HS6ST2: variants seen among roughly 807,000 people sequenced by gnomAD.
The protein encoded by HS6ST2 is heparan-sulfate 6-O-sulfotransferase 2.
HS6ST2 carries 17 observed loss-of-function variants against 33.0 expected under a neutral mutation model. That is an observed-to-expected ratio of 0.52 (90% CI 0.35 to 0.77). The LOEUF is 0.77. Among genes scored for constraint, HS6ST2 ranks in the 30% least tolerant of loss-of-function variants. The pLI is 0.01. For missense variants in HS6ST2, 519 were observed against 551.7 expected (o/e 0.94, Z 0.59); for synonymous variants, 248 against 237.1 (o/e 1.05, Z -0.42).
chrX:132,958,749 A>G (rs999105023), upstream of HS6ST2: 3 of 515,111 alleles, frequency 5.8e-6, no homozygotes, highest in African/African-American at 7.2e-5. Flanking sequence ...CACTCCGCTT[A>G]GCGCATCACT....
intron 4 of HS6ST2, among the ~76,000 whole-genome samples, chrX:132,635,055 C>T (rs1395739446): frequency 8.9e-6 from 1 of 111,885 alleles, no homozygotes; most frequent in Non-Finnish European, 1.9e-5. Context: ...TTCTGTCTCA[C>T]CAAACCCATA....
At chrX:132,629,679 C>G (rs1158218028) in intron 4 of HS6ST2, among the ~76,000 whole-genome samples, 4 of 112,129 alleles carry the variant, frequency 3.6e-5, no homozygotes, top group Admixed American at 9.5e-5. Context: ...ACTCTTGATT[C>G]TGGCTGTTGT....
At chrX:132,886,313 A>T (rs943773236) in intron 2 of HS6ST2, among the ~76,000 whole-genome samples, 2 of 111,811 alleles carry the variant, frequency 1.8e-5, no homozygotes, top group Non-Finnish European at 3.8e-5. Flanking sequence ...AAATTTTCCC[A>T]CAGAGCCCCA....
chrX:132,844,761 G>A (rs1448871155), intron 2 of HS6ST2, among the ~76,000 whole-genome samples: 1 of 111,512 alleles, frequency 9.0e-6, no homozygotes. Context: ...ATATTTTTAG[G>A]TCAAGTCTCC....
chrX:132,750,218 C>T (rs1440199562), intron 2 of HS6ST2, among the ~76,000 whole-genome samples: 1 of 110,579 alleles, frequency 9.0e-6, no homozygotes, highest in Non-Finnish European at 1.9e-5. Flanking sequence ...GTACTTGTAA[C>T]ATTCTTCTCC....
chrX:132,870,008 C>T (rs2066041899), intron 2 of HS6ST2, among the ~76,000 whole-genome samples: 4 of 111,231 alleles, frequency 3.6e-5, no homozygotes, highest in African/African-American at 1.3e-4. Context: ...GATTGTATAT[C>T]TAGAAAACCC....
chrX:132,840,501 T>C (rs1274940596), intron 2 of HS6ST2, among the ~76,000 whole-genome samples: 2 of 109,896 alleles, frequency 1.8e-5, no homozygotes, highest in African/African-American at 6.6e-5. Flanking sequence ...ACCTAACACA[T>C]GTTATTAATA....
intron 2 of HS6ST2, among the ~76,000 whole-genome samples, chrX:132,756,495 A>G (rs749878066): frequency 9.6e-6 from 1 of 104,546 alleles, no homozygotes; most frequent in Non-Finnish European, 2.0e-5. Flanking sequence ...TCCCTCTCCC[A>G]CCTCCTTTCC....
At chrX:132,922,471 GGCCAT>G (rs1283194927) in intron 2 of HS6ST2, among the ~76,000 whole-genome samples, 1 of 112,038 alleles carries the variant, frequency 8.9e-6, no homozygotes, top group African/African-American at 3.2e-5. Flanking sequence ...TAAGCCACAT[GGCCAT>G]GGTCCTTATC....
chrX:132,910,196 T>C (rs1456361328), intron 2 of HS6ST2, among the ~76,000 whole-genome samples: 3 of 112,132 alleles, frequency 2.7e-5, no homozygotes, highest in Non-Finnish European at 5.6e-5. Flanking sequence ...GCCATGAATC[T>C]AGACTGTTAC....
At chrX:132,848,071 C>T (rs955859631) in intron 2 of HS6ST2, among the ~76,000 whole-genome samples, 1 of 112,003 alleles carries the variant, frequency 8.9e-6, no homozygotes, top group Non-Finnish European at 1.9e-5. Flanking sequence ...AAGGGATCTT[C>T]CAGCCCTTAG....
At chrX:132,763,337 C>T (rs759930994) in intron 2 of HS6ST2, among the ~76,000 whole-genome samples, 83 of 112,618 alleles carry the variant, frequency 7.4e-4, no homozygotes, top group African/African-American at 2.4e-3. Flanking sequence ...AAGTACTTTG[C>T]GAAATGCAAT....
At chrX:132,718,655 A>T (rs2315524) in intron 2 of HS6ST2, among the ~76,000 whole-genome samples, 53,969 of 109,057 alleles carry the variant, frequency 0.49, 10,037 homozygotes, top group Middle Eastern at 0.56. Context: ...CTCTCATGGG[A>T]CTATTTTTCA....
intron 2 of HS6ST2, among the ~76,000 whole-genome samples, chrX:132,823,383 T>C (rs1302176685): frequency 1.8e-5 from 2 of 110,916 alleles, no homozygotes; most frequent in Non-Finnish European, 3.8e-5. Context: ...CTGAGTAGTA[T>C]ATGTTGTACC....
intron 2 of HS6ST2, among the ~76,000 whole-genome samples, chrX:132,867,322 G>A (rs1437534035): frequency 9.3e-6 from 1 of 107,315 alleles, no homozygotes; most frequent in East Asian, 2.9e-4. Flanking sequence ...GCATACCAGG[G>A]ATGAAGCCCA....
chrX:132,754,466 G>A (rs771489101), intron 2 of HS6ST2, among the ~76,000 whole-genome samples: 1 of 106,803 alleles, frequency 9.4e-6, no homozygotes, highest in South Asian at 4.4e-4. Context: ...GCCCAGGTTG[G>A]AGTGCAGTGG....
intron 2 of HS6ST2, among the ~76,000 whole-genome samples, chrX:132,820,096 TC>T (rs1261799411): frequency 1.8e-5 from 2 of 111,704 alleles, no homozygotes; most frequent in African/African-American, 6.5e-5. Flanking sequence ...GGGTGGCTCT[TC>T]CTGCTTTTAG....
chrX:132,919,479 T>G (rs1410071651), intron 2 of HS6ST2, among the ~76,000 whole-genome samples: 1 of 112,174 alleles, frequency 8.9e-6, no homozygotes, highest in Non-Finnish European at 1.9e-5. Context: ...GGTTTCATGT[T>G]AATTATTTCT....
At chrX:132,736,140 C>T (rs773987306) in intron 2 of HS6ST2, among the ~76,000 whole-genome samples, 4 of 111,499 alleles carry the variant, frequency 3.6e-5, no homozygotes, top group South Asian at 3.8e-4. Context: ...CTACCGTGCC[C>T]GGACAACTGC....
Sources: allele counts gnomAD v4.1 joint callset (sites outside exome capture counted in the v4.1 genomes callset), GRCh38; gene constraint gnomAD v4.1.1; transcripts MANE v1.5; gene names NCBI Gene and HGNC (gene_info 2026-07-23, HGNC 2026-07-21).